NUMA1: variants seen among roughly 807,000 people sequenced by gnomAD.
The protein encoded by NUMA1 is SP-H antigen.
In NUMA1, 62 loss-of-function variants were observed where a neutral mutation model predicts 237.1. That is an observed-to-expected ratio of 0.26 (90% CI 0.21 to 0.32). The LOEUF (loss-of-function observed/expected upper bound fraction) is 0.32. Ranked by LOEUF, NUMA1 falls within the 10% of genes least tolerant of loss-of-function variation. The probability of loss-of-function intolerance (pLI) is 1.00; values close to 1 mark genes in which losing one functional copy is unlikely to be tolerated. For synonymous variants in NUMA1, 1,028 were observed against 1,066.1 expected (o/e 0.96, Z 0.70); for missense variants, 2,533 against 2,666.5 (o/e 0.95, Z 1.10).
intron 6 of NUMA1, among the ~76,000 whole-genome samples, chr11:72,022,775 A>G (rs1201078665): frequency 6.6e-6 from 1 of 152,050 alleles, no homozygotes; most frequent in African/African-American, 2.4e-5. Context: ...GTGATAGCCG[A>G]ATGAGACCTG....
chr11:72,054,355 C>G (rs561968921), intron 2 of NUMA1, among the ~76,000 whole-genome samples: 5 of 151,950 alleles, frequency 3.3e-5, no homozygotes, highest in Non-Finnish European at 7.4e-5. Context: ...GTAATCCCAG[C>G]TACGAGGGAG....
intron 2 of NUMA1, among the ~76,000 whole-genome samples, chr11:72,055,236 T>A (rs760003484): frequency 3.9e-5 from 6 of 152,178 alleles, no homozygotes; most frequent in Non-Finnish European, 8.8e-5. Context: ...GTTTCCCATT[T>A]ACAAGGTATT....
At chr11:72,046,097 C>T (rs1941979401) in intron 2 of NUMA1, among the ~76,000 whole-genome samples, 1 of 152,212 alleles carries the variant, frequency 6.6e-6, no homozygotes, top group South Asian at 2.1e-4. Context: ...TGGCCAGTTT[C>T]GCCAGGCTTT....
intron 1 of NUMA1, among the ~76,000 whole-genome samples, chr11:72,071,826 ATT>A (rs1385184850): frequency 1.3e-5 from 2 of 152,230 alleles, no homozygotes; most frequent in African/African-American, 4.8e-5. Context: ...GTATATAAGT[ATT>A]TGTTACATTA....
rs367669696 is a variant in NUMA1 at position 72,009,384 on chromosome 11, C to T, written c.4723G>A (p.Val1575Ile). Residue 1575 changes from valine (V) to isoleucine (I), a missense_variant, in exon 18 of 27, where the codon GTC becomes ATC. Physicochemically the swap from Val to Ile is conservative, Grantham distance 29. This residue lies in a region of NUMA1 where 795 missense variants were observed against 750.8 expected (regional missense o/e 1.06). Transcript: ENST00000393695. The part of the protein sequence containing the change: ...SKVQQQKLKA[V>I]QAQGGESQQE... Reference sequence around the variant, plus strand: ...TGGCTCTCGCCTCCCTGAGCCTGGACAGCCTGAGAAGAAAGGCCACTCAGG... The same window carrying T: ...TGGCTCTCGCCTCCCTGAGCCTGGATAGCCTGAGAAGAAAGGCCACTCAGG... The T allele has an allele frequency of 3.7e-6, 6 of 1,603,522 alleles. No homozygotes were observed. The highest frequency in any genetic ancestry group is 5.1e-6 in the Non-Finnish European group (6 of 1,177,692).
intron 2 of NUMA1, among the ~76,000 whole-genome samples, chr11:72,059,280 T>C (rs1248740329): frequency 1.3e-5 from 2 of 152,180 alleles, no homozygotes; most frequent in Non-Finnish European, 2.9e-5. Flanking sequence ...CTCACATTTT[T>C]AATTAATTTT....
chr11:72,038,871 C>T (rs973067300), intron 2 of NUMA1, among the ~76,000 whole-genome samples: 3 of 151,974 alleles, frequency 2.0e-5, no homozygotes, highest in Non-Finnish European at 4.4e-5. Context: ...CTACCTGATT[C>T]TCTGAGAAAG....
At chr11:72,005,144 C>T in intron 23 of NUMA1, 89 bp downstream of exon 23, 2 of 1,387,128 alleles carry the variant, frequency 1.4e-6, no homozygotes, top group Non-Finnish European at 1.9e-6. Context: ...GTCAGTGATC[C>T]AGGGCCCTAG....
At chr11:72,008,112 C>T in intron 20 of NUMA1, 1 of 479,422 alleles carries the variant, frequency 2.1e-6, no homozygotes, top group Middle Eastern at 3.1e-4. Flanking sequence ...TGTTGGGGGA[C>T]AAATCAGGTA....
chr11:72,064,409 C>T (rs1943107873), intron 2 of NUMA1, among the ~76,000 whole-genome samples: 1 of 151,828 alleles, frequency 6.6e-6, no homozygotes, highest in African/African-American at 2.4e-5. Flanking sequence ...CTGCAGTGAG[C>T]TAGGATTGCA....
At position 72,010,823 on chromosome 11, in the gene NUMA1, G is replaced by T. The variant is rs768447333; in HGVS notation, c.4682C>A (p.Ser1561Tyr). 6.2e-7 allele frequency: 1 copy of T among 1,613,954 alleles called. No individual in the cohort carries two copies. The highest frequency in any genetic ancestry group is 1.1e-5 in the South Asian group (1 of 91,072). ...VEELSKKLADSDQASKVQQQK... is the reference protein window; with the variant it reads ...VEELSKKLADYDQASKVQQQK... ...CTGCTGCACCTTGCTGGCTTGGTCA[G>T]AGTCAGCCAGTTTCTTACTCAGTTC... Residue 1561 changes from serine to tyrosine, a missense_variant, in exon 17 of 27, where the codon TCT (serine) becomes TAT (tyrosine). Around this residue, in one of 3 missense-constraint regions of NUMA1, gnomAD observed 795 missense variants for 750.8 expected, o/e 1.06. Transcript: ENST00000393695.
Position 72,022,333 on chromosome 11 carries a change from G to A in NUMA1, c.372+6C>T. On this transcript the variant is annotated splice_donor_region_variant and intron_variant, in intron 7 of 26. Coordinates refer to ENST00000393695, the MANE Select transcript of NUMA1 (RefSeq NM_006185.4). ...TGCTAGGTGGCATGGAGGCACAAGG[G>A]CTTACCTGAATTTTATATTCAAACT... 6.2e-7 allele frequency: 1 copy of A among 1,606,300 alleles called. No individual in the cohort carries two copies. Among genetic ancestry groups the A allele is most frequent in the Non-Finnish European group, 8.5e-7 (1 of 1,173,572 alleles).
chr11:72,016,989 T>A (rs200568880), intron 13 of NUMA1: 130,381 of 155,064 alleles, frequency 0.84, 55,910 homozygotes, highest in Non-Finnish European at 0.94. Flanking sequence ...TTTTTTTTTT[T>A]TTTTTTTTTT....
At chr11:72,004,134 T>C in intron 25 of NUMA1, 35 bp from the exon 26 acceptor site, 1 of 1,611,964 alleles carries the variant, frequency 6.2e-7, no homozygotes, top group Non-Finnish European at 8.5e-7. Flanking sequence ...GGAGACCCAA[T>C]GCTGCCTTCC....
chr11:72,008,913 G>C, intron 19 of NUMA1, 54 bp downstream of exon 19: 1 of 1,612,120 alleles, frequency 6.2e-7, no homozygotes, highest in South Asian at 1.1e-5. Flanking sequence ...GGAGGAGAGG[G>C]CACAGGGGTC....
chr11:72,037,172 A>C (rs1372054048), intron 2 of NUMA1, among the ~76,000 whole-genome samples: 1 of 152,144 alleles, frequency 6.6e-6, no homozygotes, highest in Non-Finnish European at 1.5e-5. Context: ...AGTATACTCT[A>C]TTTATCAGCC....
rs1432858723 is a variant in NUMA1, at chr11:72,017,683, T to C, written c.1119+4A>G. 3 of 1,612,756 alleles carry C rather than the reference T, an allele frequency of 1.9e-6. No homozygotes were observed. Among genetic ancestry groups the C allele is most frequent in the Non-Finnish European group, 2.5e-6 (3 of 1,179,988 alleles). On this transcript the variant is annotated splice_donor_region_variant and intron_variant, in intron 13 of 26. Coordinates refer to ENST00000393695, the MANE Select transcript of NUMA1 (RefSeq NM_006185.4). ...CTGTGGCTGTGACCCCAGCAGAGGG[T>C]TACCTTGTCCTGCAGGGCTGCGCTG... is the stretch of plus-strand genomic sequence containing the variant.
At chr11:72,019,045 C>T in intron 9 of NUMA1, 65 bp from the exon 10 acceptor site, 1 of 1,580,410 alleles carries the variant, frequency 6.3e-7, no homozygotes, top group Non-Finnish European at 8.6e-7. Flanking sequence ...CAGCAACAGG[C>T]AGCAGTAAGG....
chr11:72,004,595 C>G, intron 24 of NUMA1, 45 bp downstream of exon 24: 7 of 1,587,338 alleles, frequency 4.4e-6, no homozygotes, highest in Non-Finnish European at 6.0e-6. Context: ...CTGGGCCTGA[C>G]CTGAGCACAG....
Sources: gnomAD v4.1 joint callset for allele counts (sites outside exome capture counted in the v4.1 genomes callset) on GRCh38, gnomAD v4.1.1 for gene constraint, gnomAD v4.1.1 regional missense constraint, MANE v1.5 for transcripts, NCBI Gene and HGNC (gene_info 2026-07-23, HGNC 2026-07-21) for gene names.